Variants in DEK observed in about 807,000 individuals in gnomAD.
The protein encoded by DEK is protein DEK.
Under a neutral mutation model 46.8 loss-of-function variants are expected in DEK, and 28 were observed. The ratio of observed to expected loss-of-function variants is 0.60; its 90% confidence interval spans 0.44 to 0.82. The LOEUF is 0.82. Ranked by LOEUF, DEK falls within the 40% of genes least tolerant of loss-of-function variation. DEK has a pLI of 0.00. For missense variants in DEK, 416 were observed against 430.6 expected (o/e 0.97, Z 0.30); for synonymous variants, 160 against 144.5 (o/e 1.11, Z -0.77).
intron 6 of DEK, among the ~76,000 whole-genome samples, chr6:18,251,501 G>C (rs141314041): frequency 6.6e-6 from 1 of 152,096 alleles, no homozygotes; most frequent in Non-Finnish European, 1.5e-5. Context: ...CCCTTCTAAA[G>C]GCACACTAGG....
intron 9 of DEK, among the ~76,000 whole-genome samples, chr6:18,226,548 G>T (rs887400837): frequency 6.6e-6 from 1 of 152,222 alleles, no homozygotes; most frequent in African/African-American, 2.4e-5. Context: ...GGAAACCTAG[G>T]TGGGAAGATC....
At chr6:18,257,104 T>C (rs956127108) in intron 4 of DEK, among the ~76,000 whole-genome samples, 1 of 152,190 alleles carries the variant, frequency 6.6e-6, no homozygotes, top group African/African-American at 2.4e-5. Flanking sequence ...TACAGTATAA[T>C]AACAATCCTT....
chr6:18,259,682 T>C (rs558420585), intron 2 of DEK, among the ~76,000 whole-genome samples: 25 of 152,168 alleles, frequency 1.6e-4, no homozygotes, highest in African/African-American at 6.0e-4. Flanking sequence ...TATACGCCAA[T>C]ATAAAAGATA....
intron 6 of DEK, among the ~76,000 whole-genome samples, chr6:18,255,371 G>C (rs1370074329): frequency 1.3e-5 from 2 of 152,074 alleles, no homozygotes; most frequent in Non-Finnish European, 2.9e-5. Context: ...GTCTTCACTT[G>C]ATTACAGGTT....
rs34234830 is a variant in DEK, at chr6:18,234,279, G to GATAT, written c.1047+2169_1047+2172dup. ...GTGCAGCACATCAACATGGCACATGGATATATATATATATATATATATGTA... is the reference window on the plus strand; with the variant it reads ...GTGCAGCACATCAACATGGCACATGGATATATATATATATATATATATATATGTA... On this transcript the variant is annotated intron_variant, in intron 9 of 10. Coordinates refer to ENST00000652689, the MANE Select transcript of DEK (RefSeq NM_003472.4). Among the ~76,000 whole-genome samples the GATAT allele has an allele frequency of 4.8e-3, 702 of 144,790 alleles. 1 individual carries two copies. Among genetic ancestry groups the GATAT allele is most frequent in the Non-Finnish European group, 5.9e-3 (394 of 66,244 alleles). 95.0% of individuals were successfully genotyped at this position (144,790 alleles called of 152,430 possible).
intron 9 of DEK, among the ~76,000 whole-genome samples, chr6:18,229,721 G>GCAAATCTTTTC (rs1582253062): frequency 6.6e-6 from 1 of 152,294 alleles, no homozygotes; most frequent in East Asian, 1.9e-4. Context: ...AGAAACACGG[G>GCAAATCTTTTC]ACTATGTGAA....
At chr6:18,238,013 T>TA (rs1436227936) in intron 7 of DEK, among the ~76,000 whole-genome samples, 1 of 151,704 alleles carries the variant, frequency 6.6e-6, no homozygotes, top group African/African-American at 2.4e-5. Flanking sequence ...GGATTACAGG[T>TA]GCTCGCCACC....
rs780326393 is a variant in DEK, at chr6:18,225,723, G to T, written c.1124C>A (p.Ser375Tyr). The T allele has an allele frequency of 6.2e-7, 1 of 1,613,218 alleles. No individual in the cohort carries two copies. The highest frequency in any genetic ancestry group is 8.5e-7 in the Non-Finnish European group (1 of 1,179,526). The change falls in exon 11 of 11, where the codon TCT (serine) becomes TAT (tyrosine). Residue 375 changes from serine (S) to tyrosine (Y), a missense_variant. Coordinates refer to ENST00000652689, the MANE Select transcript of DEK (RefSeq NM_003472.4). ...FIKTTVKELI[S>Y] ...TCATCTTCTCTGTCCTCTATCTCAA[G>T]AAATTAGCTGTAATGAAAGAGAAAC...
Position 18,247,875 on chromosome 6 carries a change from T to G in DEK, c.762+1776A>C, listed in dbSNP as rs1288211201. Among the ~76,000 whole-genome samples, 4 of 152,074 alleles carry G rather than the reference T, an allele frequency of 2.6e-5. No individual in the cohort carries two copies. The East Asian group carries it at 7.7e-4, about 29-fold the overall frequency. On this transcript the variant is annotated intron_variant, in intron 7 of 10. Transcript: ENST00000652689. ...TTAGTAGAGGCAGGGTTTCACCATGTTGGTGAGGCTGGTCTCGAACTCCTG... is the reference window on the plus strand; with the variant it reads ...TTAGTAGAGGCAGGGTTTCACCATGGTGGTGAGGCTGGTCTCGAACTCCTG...
intron 7 of DEK, among the ~76,000 whole-genome samples, chr6:18,248,804 T>C (rs1163879169): frequency 6.6e-6 from 1 of 152,142 alleles, no homozygotes; most frequent in Non-Finnish European, 1.5e-5. Context: ...ACATTTTTGG[T>C]TGTCACAAGG....
intron 7 of DEK, among the ~76,000 whole-genome samples, chr6:18,242,002 A>G (rs553552657): frequency 6.6e-6 from 1 of 152,270 alleles, no homozygotes; most frequent in Non-Finnish European, 1.5e-5. Context: ...ATTTATACTC[A>G]TTAACTTTCT....
intron 9 of DEK, among the ~76,000 whole-genome samples, chr6:18,230,883 G>C (rs563744008): frequency 1.1e-4 from 16 of 152,292 alleles, no homozygotes; most frequent in South Asian, 6.2e-4. Flanking sequence ...GGACCTAACA[G>C]ACATCTACAG....
chr6:18,263,892 G>A lies in DEK; in HGVS notation c.96C>T (p.Ser32=). ...EPEMPGPREE[S]EEEEDEDDEE... ...CGTCGTCCTCGTCCTCTTCCTCCTCGCTCTCCTCTCTGGGACCGGGCATTT... is the reference window on the plus strand; with the variant it reads ...CGTCGTCCTCGTCCTCTTCCTCCTCACTCTCCTCTCTGGGACCGGGCATTT... The change falls in exon 2 of 11, where the codon AGC becomes AGT. Residue 32 remains serine (S), a synonymous_variant. Transcript: ENST00000652689. The A allele has an allele frequency of 6.2e-7, 1 of 1,611,890 alleles. No individual in the cohort carries two copies. Among genetic ancestry groups the A allele is most frequent in the Non-Finnish European group, 8.5e-7 (1 of 1,179,056 alleles).
intron 7 of DEK, among the ~76,000 whole-genome samples, chr6:18,240,352 C>T (rs1455972544): frequency 6.6e-6 from 1 of 152,192 alleles, no homozygotes; most frequent in African/African-American, 2.4e-5. Flanking sequence ...AAATATACTG[C>T]ACAAGCACTA....
intron 9 of DEK, among the ~76,000 whole-genome samples, chr6:18,229,488 G>T (rs13204810): frequency 0.27 from 40,612 of 151,854 alleles, 5,855 homozygotes; most frequent in Admixed American, 0.36. Flanking sequence ...GAAAAAAGAT[G>T]AGACGAATGG....
intron 7 of DEK, among the ~76,000 whole-genome samples, chr6:18,242,779 GTTCTT>G (rs972954228): frequency 1.6e-4 from 25 of 152,110 alleles, no homozygotes; most frequent in African/African-American, 6.0e-4. Context: ...CATAAAGTGG[GTTCTT>G]TTAAGTGAAA....
intron 7 of DEK, among the ~76,000 whole-genome samples, chr6:18,248,673 C>T (rs1025065902): frequency 7.9e-5 from 12 of 152,162 alleles, no homozygotes; most frequent in East Asian, 1.9e-4. Context: ...GACAAACATA[C>T]ATACTAAACA....
intron 9 of DEK, among the ~76,000 whole-genome samples, chr6:18,229,459 C>A (rs1416944923): frequency 6.6e-6 from 1 of 152,114 alleles, no homozygotes; most frequent in Admixed American, 6.5e-5. Context: ...GAACCCATCA[C>A]AAAGAAGCTA....
intron 9 of DEK, among the ~76,000 whole-genome samples, chr6:18,230,027 C>A (rs918155635): frequency 3.3e-5 from 5 of 152,208 alleles, no homozygotes; most frequent in Admixed American, 6.5e-5. Context: ...AACAGCGGAT[C>A]TCTAGGCAGA....
Sources: gnomAD v4.1 joint callset for allele counts (sites outside exome capture counted in the v4.1 genomes callset) on GRCh38, gnomAD v4.1.1 for gene constraint, MANE v1.5 for transcripts, NCBI Gene and HGNC (gene_info 2026-07-23, HGNC 2026-07-21) for gene names.